The following FRMD3 variants were observed in gnomAD, a reference collection of about 807,000 sequenced individuals.
The protein encoded by FRMD3 is FERM domain-containing protein 3.
Under a neutral mutation model 70.2 loss-of-function variants are expected in FRMD3, and 33 were observed. The ratio of observed to expected loss-of-function variants is 0.47; its 90% confidence interval spans 0.36 to 0.63. FRMD3 has a LOEUF of 0.63. Among genes scored for constraint, FRMD3 ranks in the 20% least tolerant of loss-of-function variants. The pLI, the probability that FRMD3 is intolerant of heterozygous loss-of-function variation, is 0.00. For synonymous variants in FRMD3, 279 were observed against 255.9 expected (o/e 1.09, Z -0.86); for missense variants, 632 against 711.4 (o/e 0.89, Z 1.27).
chr9:83,340,905 GT>G, intron 5 of FRMD3, among the ~76,000 whole-genome samples: 1 of 152,172 alleles, frequency 6.6e-6, no homozygotes, highest in Non-Finnish European at 1.5e-5. Context: ...TTGATTGACT[GT>G]TTTTTATAAA....
intron 3 of FRMD3, among the ~76,000 whole-genome samples, chr9:83,360,893 AG>A (rs1296413775): frequency 6.6e-6 from 1 of 152,260 alleles, no homozygotes; most frequent in Non-Finnish European, 1.5e-5. Context: ...AAACAAAGAA[AG>A]AGCACAACAT....
chr9:83,395,363 T>G (rs1024026106), intron 1 of FRMD3, among the ~76,000 whole-genome samples: 1 of 152,036 alleles, frequency 6.6e-6, no homozygotes, highest in African/African-American at 2.4e-5. Flanking sequence ...CATGGGTACA[T>G]GTGCAGGTTC....
chr9:83,352,391 G>A (rs183502385), intron 3 of FRMD3, among the ~76,000 whole-genome samples: 20 of 152,260 alleles, frequency 1.3e-4, no homozygotes, highest in African/African-American at 2.9e-4. Context: ...TCTTAGTGTC[G>A]TAAGTTGGCT....
chr9:83,375,583 T>C (rs1825116765), intron 2 of FRMD3, among the ~76,000 whole-genome samples: 1 of 152,218 alleles, frequency 6.6e-6, no homozygotes, highest in Non-Finnish European at 1.5e-5. Flanking sequence ...GTTCAACTTG[T>C]TAGTATTCAT....
At chr9:83,300,756 C>G (rs1477206969) in intron 10 of FRMD3, among the ~76,000 whole-genome samples, 1 of 152,172 alleles carries the variant, frequency 6.6e-6, no homozygotes, top group East Asian at 1.9e-4. Flanking sequence ...GTTATTATTA[C>G]TACACACACA....
intron 13 of FRMD3, among the ~76,000 whole-genome samples, chr9:83,268,165 C>T (rs960111806): frequency 3.9e-5 from 6 of 152,220 alleles, no homozygotes; most frequent in African/African-American, 1.4e-4. Flanking sequence ...ATTTTCCTCA[C>T]ACAATTTCAA....
intron 1 of FRMD3, among the ~76,000 whole-genome samples, chr9:83,455,308 GT>G (rs1827786570): frequency 6.6e-6 from 1 of 152,080 alleles, no homozygotes; most frequent in African/African-American, 2.4e-5. Context: ...GTTTGGCTGT[GT>G]CCCCTCCCAA....
the FRMD3 span, among the ~76,000 whole-genome samples, chr9:83,554,721 C>T: frequency 6.6e-6 from 1 of 152,326 alleles, no homozygotes; most frequent in East Asian, 1.9e-4. Flanking sequence ...TTTTGGTTGC[C>T]TCCGGAGGCT....
intron 3 of FRMD3, among the ~76,000 whole-genome samples, chr9:83,365,601 C>T (rs569959099): frequency 1.3e-5 from 2 of 152,038 alleles, no homozygotes; most frequent in East Asian, 3.9e-4. Flanking sequence ...GTTTAGGACA[C>T]CATTTGGATC....
At chr9:83,524,125 T>C (rs1829637844) in intron 1 of FRMD3, among the ~76,000 whole-genome samples, 1 of 152,248 alleles carries the variant, frequency 6.6e-6, no homozygotes, top group Admixed American at 6.5e-5. Context: ...AAAAGTCCTC[T>C]AAATACCATG....
chr9:83,244,134 C>CA (rs776624062), downstream of FRMD3, among the ~76,000 whole-genome samples: 43 of 58,514 alleles, frequency 7.3e-4, no homozygotes, highest in Admixed American at 1.4e-3. Flanking sequence ...ATCATCATCT[C>CA]AAAAAAAAAA....
intron 3 of FRMD3, among the ~76,000 whole-genome samples, chr9:83,353,462 T>C (rs1035638498): frequency 2.6e-5 from 4 of 152,314 alleles, no homozygotes; most frequent in Admixed American, 6.5e-5. Context: ...GATGACAAGA[T>C]GCATGAGGGT....
intron 1 of FRMD3, among the ~76,000 whole-genome samples, chr9:83,536,658 T>TC (rs1000742813): frequency 6.6e-6 from 1 of 151,950 alleles, no homozygotes; most frequent in Non-Finnish European, 1.5e-5. Context: ...AAATTCAAGC[T>TC]CCCCCAGAAA....
At chr9:83,414,334 A>T (rs553964908) in intron 1 of FRMD3, among the ~76,000 whole-genome samples, 1 of 152,222 alleles carries the variant, frequency 6.6e-6, no homozygotes, top group Non-Finnish European at 1.5e-5. Context: ...AAAAAAATCA[A>T]TCCAAGATAG....
At chr9:83,340,681 T>C (rs1393697793) in intron 5 of FRMD3, among the ~76,000 whole-genome samples, 1 of 152,250 alleles carries the variant, frequency 6.6e-6, no homozygotes, top group East Asian at 1.9e-4. Flanking sequence ...ATTTGTATTA[T>C]GAAAGAAAAT....
intron 1 of FRMD3, among the ~76,000 whole-genome samples, chr9:83,452,354 G>A (rs953055785): frequency 1.1e-4 from 16 of 152,106 alleles, no homozygotes; most frequent in Admixed American, 3.9e-4. Flanking sequence ...TTGTTACAAC[G>A]TAGGCACAGC....
chr9:83,467,941 C>A (rs1379788586), intron 1 of FRMD3, among the ~76,000 whole-genome samples: 1 of 151,940 alleles, frequency 6.6e-6, no homozygotes, highest in African/African-American at 2.4e-5. Context: ...CTCTATCAGA[C>A]AACATCAGAC....
chr9:83,443,668 G>A (rs143444956), intron 1 of FRMD3, among the ~76,000 whole-genome samples: 177 of 152,250 alleles, frequency 1.2e-3, no homozygotes, highest in African/African-American at 3.9e-3. Flanking sequence ...TAATGGGATC[G>A]CTGGGTCAGA....
chr9:83,337,329 T>C (rs376743748), intron 5 of FRMD3, among the ~76,000 whole-genome samples: 7 of 152,178 alleles, frequency 4.6e-5, no homozygotes, highest in African/African-American at 1.4e-4. Flanking sequence ...CTTTCCAAAT[T>C]TATGTACTTC....
Sources: allele counts gnomAD v4.1 joint callset (sites outside exome capture counted in the v4.1 genomes callset), GRCh38; gene constraint gnomAD v4.1.1; transcripts MANE v1.5; gene names NCBI Gene and HGNC (gene_info 2026-07-23, HGNC 2026-07-21).